Variants in GPI observed in about 807,000 individuals in gnomAD.
GPI encodes glucose-6-phosphate isomerase.
Under a neutral mutation model 75.8 loss-of-function variants are expected in GPI, and 56 were observed. The observed-to-expected ratio is 0.74, with a 90% confidence interval of 0.60 to 0.92. GPI has a LOEUF of 0.92. Ranked by LOEUF, GPI falls within the 40% of genes least tolerant of loss-of-function variation. GPI has a pLI of 0.00. For synonymous variants in GPI, 288 were observed against 285.4 expected (o/e 1.01, Z -0.09); for missense variants, 638 against 741.0 (o/e 0.86, Z 1.61).
intron 14 of GPI, chr19:34,398,927 G>C (rs1313110311): frequency 3.4e-6 from 1 of 294,288 alleles, no homozygotes; most frequent in Non-Finnish European, 6.6e-6. Context: ...GGCTGGTCTC[G>C]AGCTCCTGAC....
chr19:34,371,028 T>C (rs955461436), intron 4 of GPI, among the ~76,000 whole-genome samples: 5 of 152,256 alleles, frequency 3.3e-5, no homozygotes, highest in African/African-American at 1.2e-4. Context: ...TCCAGCCATC[T>C]GCTGTGAGTG....
chr19:34,393,297 C>A lies in GPI; in HGVS notation c.854C>A (p.Ala285Asp). 2 of 1,611,722 alleles carry A rather than the reference C, an allele frequency of 1.2e-6. No homozygotes were observed. Among genetic ancestry groups the A allele is most frequent in the Non-Finnish European group, 8.5e-7 (1 of 1,177,788 alleles). Residue 285 changes from alanine to aspartate, a missense_variant, in exon 10 of 18, where the codon GCC becomes GAC. Transcript: ENST00000356487. This position sits in a 1 kb window ranked among gnomAD's most constrained non-coding sequence, Gnocchi z 4.4. The stretch of plus-strand genomic sequence containing the variant: ...TGGTCGGCCATCGGACTCTCCATTG[C>A]CCTGCACGTGGGTGAGTGTGTTTCT... ...SLWSAIGLSIALHVGFDNFEQ... is the reference protein window; with the variant it reads ...SLWSAIGLSIDLHVGFDNFEQ...
In GPI at chr19:34,389,095, A is replaced by C. The variant is rs143974227; in HGVS notation, c.805-4153A>C. Reference sequence around the variant, plus strand: ...CAACAGAGCAAGACCCTGTCTCTTAAAAAAAAAAGAAAAAAATAGAACTGC... The same window carrying C: ...CAACAGAGCAAGACCCTGTCTCTTACAAAAAAAAGAAAAAAATAGAACTGC... On this transcript the variant is annotated intron_variant, in intron 9 of 17. Coordinates refer to ENST00000356487, the MANE Select transcript of GPI (RefSeq NM_000175.5). 5.5e-4 allele frequency among the ~76,000 whole-genome samples: 83 copies of C among 150,810 alleles called. No homozygotes were observed. In the East Asian group the frequency reaches 0.015, roughly 27 times the overall value.
At position 34,365,407 on chromosome 19, in the gene GPI, CG is replaced by C; in HGVS notation, c.122+24del. The C allele has an allele frequency of 2.6e-6, 4 of 1,559,324 alleles. No homozygotes were observed. Among genetic ancestry groups the C allele is most frequent in the Admixed American group, 1.8e-5 (1 of 54,892 alleles). On this transcript the variant is annotated intron_variant, in intron 1 of 17. Coordinates refer to ENST00000356487, the MANE Select transcript of GPI (RefSeq NM_000175.5). ...ACTTCAGGTGCGGGCGGGCCGGAGGCGGGGGCTGCCACGCGCGGCGCCCGGA... is the reference window on the plus strand; with the variant it reads ...ACTTCAGGTGCGGGCGGGCCGGAGGCGGGGCTGCCACGCGCGGCGCCCGGA...
chr19:34,365,863 T>C (rs1462063338), intron 1 of GPI: 1 of 470,388 alleles, frequency 2.1e-6, no homozygotes, highest in Admixed American at 2.3e-5. Flanking sequence ...CGGGCGTGAT[T>C]CCTGCAGAAG....
intron 4 of GPI, among the ~76,000 whole-genome samples, chr19:34,376,079 C>T (rs2074530754): frequency 6.6e-6 from 1 of 152,140 alleles, no homozygotes; most frequent in South Asian, 2.1e-4. Flanking sequence ...ACTGTTGTAA[C>T]CAGGAAAGAG....
rs2074558981 is a variant in GPI, at chr19:34,377,336, A to AAAAT, written c.403-166_403-165insAATA. On this transcript the variant is annotated intron_variant, in intron 4 of 17. Transcript: ENST00000356487. ...AAAAAAAAAAAAAAAAAAAAAAAAA[A>AAAAT]ATATATATATATATATATATATGGT... Among the ~76,000 whole-genome samples, 14 of 49,320 alleles carry AAAAT rather than the reference A, an allele frequency of 2.8e-4. 1 individual carries two copies. The highest frequency in any genetic ancestry group is 6.3e-4 in the East Asian group (1 of 1,582). 32.4% of individuals were successfully genotyped at this position (49,320 alleles called of 152,430 possible).
chr19:34,365,466 G>C (rs764415303), intron 1 of GPI, 78 bp downstream of exon 1: 28 of 1,510,130 alleles, frequency 1.9e-5, no homozygotes, highest in Non-Finnish European at 2.5e-5. Flanking sequence ...CTGGAGGCGG[G>C]GGCAGCGGTG....
Position 34,400,021 on chromosome 19 carries a change from G to T in GPI, c.1662G>T (p.Glu554Asp). The change falls in exon 18 of 18, where the codon GAG becomes GAT. Residue 554 changes from glutamate (E) to aspartate (D), a missense_variant. By Grantham distance (45) the Glu-to-Asp change is conservative. Coordinates refer to ENST00000356487, the MANE Select transcript of GPI (RefSeq NM_000175.5). ...GLINFIKQQR[E>D]ARVQ ...TCAACTTCATCAAGCAGCAGCGCGA[G>T]GCCAGAGTCCAATAAACTCGTGCTC... The T allele has an allele frequency of 6.2e-7, 1 of 1,612,540 alleles. No homozygotes were observed.
intron 3 of GPI, 156 bp downstream of exon 3, chr19:34,367,007 G>T (rs2074377434): frequency 1.4e-6 from 1 of 713,074 alleles, no homozygotes; most frequent in African/African-American, 1.7e-5. Context: ...CTTGTAGCAG[G>T]GCTTTGGGGT....
At position 34,399,637 on chromosome 19, in the gene GPI, T is replaced by C. The variant is rs1568351878; in HGVS notation, c.1474+6T>C. ...CATGCTTGGAGCCTTGGTCGGTGAGTGAGTAGGGGAAAGGTCCTGGCTTGG... is the reference window on the plus strand; with the variant it reads ...CATGCTTGGAGCCTTGGTCGGTGAGCGAGTAGGGGAAAGGTCCTGGCTTGG... On this transcript the variant is annotated splice_donor_region_variant and intron_variant, in intron 16 of 17. Coordinates refer to ENST00000356487, the MANE Select transcript of GPI (RefSeq NM_000175.5). The C allele has an allele frequency of 1.2e-6, 2 of 1,613,662 alleles. No individual in the cohort carries two copies. Among genetic ancestry groups the C allele is most frequent in the Non-Finnish European group, 1.7e-6 (2 of 1,179,866 alleles).
Position 34,399,907 on chromosome 19 carries a change from G to A in GPI, c.1548G>A (p.Glu516=). The change falls in exon 18 of 18, where the codon GAG becomes GAA. Residue 516 remains glutamate (E), a synonymous_variant. Coordinates refer to ENST00000356487, the MANE Select transcript of GPI (RefSeq NM_000175.5). ...TCCCTTCCCTTCTTGGCAGAGTGGA[G>A]CTGGGAAAGCAGCTGGCTAAGAAAA... ...DINSFDQWGV[E]LGKQLAKKIE... 6.2e-7 allele frequency: 1 copy of A among 1,614,080 alleles called. No homozygotes were observed. The highest frequency in any genetic ancestry group is 8.5e-7 in the Non-Finnish European group (1 of 1,180,016).
chr19:34,399,923 G>C lies in GPI; in HGVS notation c.1564G>C (p.Ala522Pro). The C allele has an allele frequency of 6.2e-7, 1 of 1,613,984 alleles. No individual in the cohort carries two copies. The highest frequency in any genetic ancestry group is 8.5e-7 in the Non-Finnish European group (1 of 1,180,012). Reference protein sequence around the residue: ...QWGVELGKQLAKKIEPELDGS... With the variant: ...QWGVELGKQLPKKIEPELDGS... ...CAGAGTGGAGCTGGGAAAGCAGCTG[G>C]CTAAGAAAATAGAGCCTGAGCTTGA... is the stretch of plus-strand genomic sequence containing the variant. Residue 522 changes from alanine (A) to proline (P), a missense_variant, in exon 18 of 18, where the codon GCT becomes CCT. By Grantham distance (27) the Ala-to-Pro change is conservative (BLOSUM62 -1). Coordinates refer to ENST00000356487, the MANE Select transcript of GPI (RefSeq NM_000175.5).
intron 4 of GPI, among the ~76,000 whole-genome samples, chr19:34,372,679 G>C (rs1345782801): frequency 6.6e-6 from 1 of 152,178 alleles, no homozygotes; most frequent in Non-Finnish European, 1.5e-5. Context: ...AGGTGCAGTG[G>C]CTCTTGTATA....
At chr19:34,378,086 C>T (rs2074577706) in intron 6 of GPI, among the ~76,000 whole-genome samples, 1 of 152,232 alleles carries the variant, frequency 6.6e-6, no homozygotes. Context: ...CTGAACACAT[C>T]AGTTTGAACC....
At chr19:34,378,358 A>G (rs1035837407) in intron 6 of GPI, among the ~76,000 whole-genome samples, 2 of 151,814 alleles carry the variant, frequency 1.3e-5, no homozygotes, top group Non-Finnish European at 2.9e-5. Flanking sequence ...ACGCCTGGCT[A>G]ATTTTATTAT....
intron 6 of GPI, 151 bp downstream of exon 6, chr19:34,378,032 A>C (rs2074576892): frequency 2.6e-6 from 2 of 776,706 alleles, no homozygotes; most frequent in African/African-American, 3.4e-5. Context: ...GCTGCCCTAG[A>C]CTGTTTCCAT....
At chr19:34,378,855 C>T in intron 6 of GPI, 79 bp from the exon 7 acceptor site, 1 of 1,010,780 alleles carries the variant, frequency 9.9e-7, no homozygotes, top group South Asian at 1.3e-5. Flanking sequence ...ATTGCCTTGG[C>T]CTCTACTGCT....
chr19:34,367,258 G>T (rs181988155), intron 3 of GPI: 1 of 346,388 alleles, frequency 2.9e-6, no homozygotes, highest in East Asian at 7.4e-5. Context: ...GCCAGGCCTG[G>T]GGGCCCCTGT....
Sources: allele counts gnomAD v4.1 joint callset (sites outside exome capture counted in the v4.1 genomes callset), GRCh38; gene constraint gnomAD v4.1.1; non-coding constraint Gnocchi (gnomAD v3.1); transcripts MANE v1.5; gene names NCBI Gene and HGNC (gene_info 2026-07-23, HGNC 2026-07-21).